ANXA6: variants seen among roughly 807,000 people sequenced by gnomAD.
ANXA6 encodes 67 kDa calelectrin.
In ANXA6, 71 loss-of-function variants were observed where a neutral mutation model predicts 95.4. That is an observed-to-expected ratio of 0.74 (90% CI 0.61 to 0.91). The LOEUF (loss-of-function observed/expected upper bound fraction) is 0.91, where lower values mean the gene tolerates loss of function less well. Among genes scored for constraint, ANXA6 ranks in the 40% least tolerant of loss-of-function variants. ANXA6 has a pLI of 0.00. For missense variants in ANXA6, 830 were observed against 876.4 expected (o/e 0.95, Z 0.67); for synonymous variants, 289 against 315.9 (o/e 0.91, Z 0.90).
intron 14 of ANXA6, among the ~76,000 whole-genome samples, chr5:151,124,744 A>T (rs996881401): frequency 3.9e-5 from 6 of 152,160 alleles, no homozygotes; most frequent in African/African-American, 1.4e-4. Flanking sequence ...CCTGCCCCCG[A>T]GGCCCCCTCT....
At position 151,101,103 on chromosome 5, in the gene ANXA6, C is replaced by A; in HGVS notation, c.*345G>T. Reference sequence around the variant, plus strand: ...CCTCATTCAAAGTACAGACACTACTCATTTTACAGACAGAGGTTCAGGATG... The same window carrying A: ...CCTCATTCAAAGTACAGACACTACTAATTTTACAGACAGAGGTTCAGGATG... On this transcript the variant is annotated 3_prime_UTR_variant, in exon 26 of 26. Transcript: ENST00000354546. The A allele has an allele frequency of 2.0e-6, 1 of 501,398 alleles. No homozygotes were observed. The highest frequency in any genetic ancestry group is 2.4e-5 in the Admixed American group (1 of 42,224). 31.1% of individuals were successfully genotyped at this position (501,398 alleles called of 1,614,324 possible).
chr5:151,129,805 G>A (rs571596299), intron 11 of ANXA6, among the ~76,000 whole-genome samples: 1 of 152,144 alleles, frequency 6.6e-6, no homozygotes, highest in Non-Finnish European at 1.5e-5. Flanking sequence ...CTGCCTTCCA[G>A]ACTCAAGCAA....
intron 20 of ANXA6, 70 bp downstream of exon 20, chr5:151,117,057 A>C: frequency 7.1e-7 from 1 of 1,412,734 alleles, no homozygotes; most frequent in Non-Finnish European, 9.5e-7. Context: ...CCCGGCGTAG[A>C]CACGCATAAG....
chr5:151,144,873 G>T (rs779153202), intron 2 of ANXA6, among the ~76,000 whole-genome samples: 25 of 152,130 alleles, frequency 1.6e-4, no homozygotes, highest in Non-Finnish European at 2.2e-4. Flanking sequence ...AAGCAAAGGT[G>T]GGGGGCTTAG....
intron 5 of ANXA6, 21 bp from the exon 6 acceptor site, chr5:151,137,342 C>T: frequency 6.2e-7 from 1 of 1,603,084 alleles, no homozygotes; most frequent in African/African-American, 1.3e-5. Context: ...AAAAAGAGCG[C>T]ATGAATTAAG....
chr5:151,150,295 G>A (rs1766076499), intron 1 of ANXA6, among the ~76,000 whole-genome samples: 1 of 152,098 alleles, frequency 6.6e-6, no homozygotes, highest in South Asian at 2.1e-4. Flanking sequence ...GTGACCGTGG[G>A]CTTATTGCTC....
intron 20 of ANXA6, 67 bp downstream of exon 20, chr5:151,117,060 C>T (rs554764858): frequency 8.8e-5 from 127 of 1,448,752 alleles, no homozygotes; most frequent in Non-Finnish European, 9.9e-5. Context: ...GGCGTAGACA[C>T]GCATAAGCTG....
chr5:151,118,041 A>G (rs1387781758), intron 18 of ANXA6, among the ~76,000 whole-genome samples: 2 of 151,922 alleles, frequency 1.3e-5, no homozygotes, highest in East Asian at 3.9e-4. Flanking sequence ...TCAACCCATC[A>G]TCTCCCCTCC....
At chr5:151,120,549 T>A (rs559183724) in intron 17 of ANXA6, among the ~76,000 whole-genome samples, 1 of 151,954 alleles carries the variant, frequency 6.6e-6, no homozygotes, top group Non-Finnish European at 1.5e-5. Context: ...AAACCCCTTC[T>A]CTACTAGAAA....
rs970287754 is a variant in ANXA6, at chr5:151,147,876, C to G, written c.18+8G>C. 3 of 1,599,782 alleles carry G rather than the reference C, an allele frequency of 1.9e-6. No homozygotes were observed. Among genetic ancestry groups the G allele is most frequent in the Non-Finnish European group, 2.6e-6 (3 of 1,173,058 alleles). ...GAGTACCACCTTCAGGAAAGAGAGG[C>G]CCCTTACCTGTGCTGGTTTGGCCAT... On this transcript the variant is annotated splice_region_variant and intron_variant, in intron 2 of 25. Coordinates refer to ENST00000354546, the MANE Select transcript of ANXA6 (RefSeq NM_001155.5).
chr5:151,139,351 A>G lies in ANXA6; in HGVS notation c.204+2T>C. ...CATGGGCCCTCCGGTTGCTGTGGTT[A>G]CCTTGCCGTAGAGGGACTTGTAGCT... On this transcript the variant is annotated splice_donor_variant, in intron 4 of 25. Transcript: ENST00000354546. LOFTEE classifies it high-confidence loss of function. The G allele has an allele frequency of 6.2e-7, 1 of 1,606,578 alleles. No individual in the cohort carries two copies. The highest frequency in any genetic ancestry group is 8.5e-7 in the Non-Finnish European group (1 of 1,175,368).
At chr5:151,105,723 G>T (rs533840041) in intron 23 of ANXA6, among the ~76,000 whole-genome samples, 27 of 152,286 alleles carry the variant, frequency 1.8e-4, no homozygotes, top group Middle Eastern at 3.4e-3. Flanking sequence ...TCAAAGTGTG[G>T]TTTCCGGACC....
intron 3 of ANXA6, 75 bp from the exon 4 acceptor site, chr5:151,139,522 G>T: frequency 9.9e-7 from 1 of 1,011,090 alleles, no homozygotes; most frequent in South Asian, 1.3e-5. Context: ...TTCCTTCCCT[G>T]GACACAGGCC....
intron 20 of ANXA6, among the ~76,000 whole-genome samples, chr5:151,111,698 C>G (rs897453177): frequency 1.3e-5 from 2 of 152,238 alleles, no homozygotes; most frequent in Non-Finnish European, 2.9e-5. Context: ...AAGCGATTCT[C>G]CTGCCTCAGC....
At chr5:151,143,626 A>G (rs2161358) in intron 2 of ANXA6, among the ~76,000 whole-genome samples, 100,962 of 151,816 alleles carry the variant, frequency 0.67, 33,842 homozygotes, top group South Asian at 0.89. Context: ...ACAGTGTGGC[A>G]GATACGATGC....
At chr5:151,141,814 G>C (rs188077912) in intron 2 of ANXA6, 5 of 704,380 alleles carry the variant, frequency 7.1e-6, no homozygotes, top group Non-Finnish European at 8.7e-6. Context: ...AACACATGCC[G>C]AATACCCAGA....
intron 1 of ANXA6, among the ~76,000 whole-genome samples, chr5:151,157,214 A>G (rs1766260040): frequency 6.6e-6 from 1 of 152,072 alleles, no homozygotes; most frequent in Non-Finnish European, 1.5e-5. Flanking sequence ...GACACCACAC[A>G]CAAGCCATTT....
intron 14 of ANXA6, among the ~76,000 whole-genome samples, 169 bp from the exon 15 acceptor site, chr5:151,124,536 T>TGAGAGA (rs56708608): frequency 2.0e-5 from 3 of 146,836 alleles, no homozygotes; most frequent in East Asian, 2.0e-4. Flanking sequence ...GCACGAGAGC[T>TGAGAGA]GAGAGAGAGA....
At chr5:151,152,766 G>C (rs567843044) in intron 1 of ANXA6, among the ~76,000 whole-genome samples, 1 of 152,214 alleles carries the variant, frequency 6.6e-6, no homozygotes, top group Non-Finnish European at 1.5e-5. Flanking sequence ...GGCTGATAGA[G>C]GTGCACAGTC....
Sources: allele counts gnomAD v4.1 joint callset (sites outside exome capture counted in the v4.1 genomes callset), GRCh38; gene constraint gnomAD v4.1.1; transcripts MANE v1.5; gene names NCBI Gene and HGNC (gene_info 2026-07-23, HGNC 2026-07-21).